Variants in GALNT13 observed in about 807,000 individuals in gnomAD.
The protein encoded by GALNT13 is polypeptide N-acetylgalactosaminyltransferase 13.
A neutral mutation model predicts 64.2 loss-of-function variants in GALNT13; 28 were observed. The observed-to-expected ratio is 0.44, with a 90% CI of 0.32 to 0.60. GALNT13 has a LOEUF of 0.60. Ranked by LOEUF, GALNT13 falls within the 20% of genes least tolerant of loss-of-function variation. The probability of loss-of-function intolerance (pLI) is 0.05; values close to 1 mark genes in which losing one functional copy is unlikely to be tolerated. For missense variants in GALNT13, 577 were observed against 669.8 expected (o/e 0.86, Z 1.53); for synonymous variants, 214 against 224.6 (o/e 0.95, Z 0.42).
chr2:153,687,604 C>A, the GALNT13 span, among the ~76,000 whole-genome samples: 1 of 151,770 alleles, frequency 6.6e-6, no homozygotes, highest in Admixed American at 6.6e-5. Context: ...TTTAGCCTGT[C>A]ACTTATTCAT....
chr2:153,396,001 T>C, the GALNT13 span, among the ~76,000 whole-genome samples: 1 of 152,242 alleles, frequency 6.6e-6, no homozygotes, highest in African/African-American at 2.4e-5. Flanking sequence ...ATTCTGATGT[T>C]ATATTGTGAA....
the GALNT13 span, among the ~76,000 whole-genome samples, chr2:153,736,722 AG>A: frequency 1.3e-5 from 2 of 152,134 alleles, no homozygotes; most frequent in Non-Finnish European, 2.9e-5. Context: ...CTAACACTAG[AG>A]GGTTCATTTT....
At chr2:154,305,158 C>T (rs1185962973) in intron 9 of GALNT13, among the ~76,000 whole-genome samples, 1 of 152,150 alleles carries the variant, frequency 6.6e-6, no homozygotes, top group Non-Finnish European at 1.5e-5. Context: ...CAATTTCAGC[C>T]ATTGTTAATT....
chr2:153,547,323 G>A, the GALNT13 span, among the ~76,000 whole-genome samples: 1 of 152,152 alleles, frequency 6.6e-6, no homozygotes, highest in East Asian at 1.9e-4. Flanking sequence ...GAAATACTCT[G>A]TGATAAGATG....
the GALNT13 span, among the ~76,000 whole-genome samples, chr2:153,616,998 G>A: frequency 6.6e-6 from 1 of 151,896 alleles, no homozygotes; most frequent in Non-Finnish European, 1.5e-5. Flanking sequence ...AACGATAATG[G>A]CCAAAGACTT....
At chr2:153,627,874 C>G in the GALNT13 span, among the ~76,000 whole-genome samples, 1 of 151,956 alleles carries the variant, frequency 6.6e-6, no homozygotes, top group African/African-American at 2.4e-5. Context: ...GTAGTTTTTT[C>G]CAATTCTGTG....
chr2:153,895,047 C>T lies in GALNT13; in HGVS notation c.-176-5889C>T, dbSNP rs12619059. On this transcript the variant is annotated intron_variant, in intron 1 of 12. Transcript: ENST00000392825. ...TTAATAATACAAAATGTGGAATCTA[C>T]AGACTAGGAAAATTGCTAAATCTAT... Among the ~76,000 whole-genome samples, 13 of 152,162 alleles carry T rather than the reference C, an allele frequency of 8.5e-5. No homozygotes were observed. The East Asian group carries it at 1.7e-3, about 20-fold the overall frequency.
the GALNT13 span, among the ~76,000 whole-genome samples, chr2:153,829,406 T>C: frequency 1.3e-5 from 2 of 152,058 alleles, no homozygotes; most frequent in African/African-American, 4.8e-5. Context: ...AGTCTCATCT[T>C]ACATAGATGG....
the GALNT13 span, among the ~76,000 whole-genome samples, chr2:153,426,360 A>G: frequency 1.3e-5 from 2 of 151,820 alleles, no homozygotes; most frequent in Non-Finnish European, 1.5e-5. Context: ...ACATATTTTT[A>G]TTTTGCTAAA....
the GALNT13 span, among the ~76,000 whole-genome samples, chr2:153,838,077 A>G: frequency 5.3e-5 from 8 of 151,980 alleles, no homozygotes; most frequent in African/African-American, 1.9e-4. Flanking sequence ...ATAAATCTCT[A>G]TTCAGGTCCT....
At chr2:153,651,064 A>G in the GALNT13 span, among the ~76,000 whole-genome samples, 1 of 152,164 alleles carries the variant, frequency 6.6e-6, no homozygotes, top group Non-Finnish European at 1.5e-5. Flanking sequence ...TAACTTATAG[A>G]GATTTACTGT....
chr2:153,186,029 C>T, the GALNT13 span, among the ~76,000 whole-genome samples: 2 of 151,818 alleles, frequency 1.3e-5, no homozygotes, highest in African/African-American at 2.4e-5. Flanking sequence ...TTTTCTGTCT[C>T]GGTGATCTGT....
Position 154,450,719 on chromosome 2 carries a change from T to A in GALNT13, c.*168T>A. On this transcript the variant is annotated 3_prime_UTR_variant, in exon 13 of 13. Coordinates refer to ENST00000392825, the MANE Select transcript of GALNT13 (RefSeq NM_052917.4). The stretch of plus-strand genomic sequence containing the variant: ...TAGAAATGTTTGCTTATTTCCCTAC[T>A]AAAATTTGTATCTGATCAAAGCACA... 1.7e-6 allele frequency: 1 copy of A among 595,950 alleles called. No homozygotes were observed. Among genetic ancestry groups the A allele is most frequent in the Non-Finnish European group, 2.8e-6 (1 of 358,368 alleles). 36.9% of individuals were successfully genotyped at this position (595,950 alleles called of 1,614,324 possible). A position where few individuals can be genotyped will look rare whatever the true frequency, so the allele number is the denominator to read the frequency against.
the GALNT13 span, among the ~76,000 whole-genome samples, chr2:153,102,665 G>T: frequency 4.6e-5 from 7 of 152,142 alleles, no homozygotes; most frequent in South Asian, 1.5e-3. Context: ...TCAATTTCTT[G>T]TTCTCTCCCT....
At chr2:153,249,146 A>G in the GALNT13 span, among the ~76,000 whole-genome samples, 1 of 152,256 alleles carries the variant, frequency 6.6e-6, no homozygotes, top group Non-Finnish European at 1.5e-5. Context: ...ATCTCAGCCC[A>G]AAAGCTTCTT....
At chr2:153,972,925 T>C (rs13029490) in intron 3 of GALNT13, among the ~76,000 whole-genome samples, 28,221 of 151,930 alleles carry the variant, frequency 0.19, 3,368 homozygotes, top group Non-Finnish European at 0.26. Flanking sequence ...AAAAGAATGA[T>C]ATAAAGGTAG....
the GALNT13 span, among the ~76,000 whole-genome samples, chr2:153,568,250 C>T: frequency 6.6e-6 from 1 of 152,092 alleles, no homozygotes; most frequent in African/African-American, 2.4e-5. Context: ...GAGACAGGGT[C>T]TCTGGCACCC....
chr2:154,169,366 T>TCTCA (rs1685226110), intron 4 of GALNT13, among the ~76,000 whole-genome samples: 1 of 152,182 alleles, frequency 6.6e-6, no homozygotes, highest in Non-Finnish European at 1.5e-5. Flanking sequence ...TTATGGCTGA[T>TCTCA]TTTAAGCTAT....
the GALNT13 span, among the ~76,000 whole-genome samples, chr2:153,202,010 C>A: frequency 3.6e-5 from 5 of 137,268 alleles, no homozygotes; most frequent in African/African-American, 1.4e-4. Context: ...CGGAGTTTCG[C>A]TCTGTCGCCC....
Sources: gnomAD v4.1 joint callset for allele counts (sites outside exome capture counted in the v4.1 genomes callset) on GRCh38, gnomAD v4.1.1 for gene constraint, MANE v1.5 for transcripts, NCBI Gene and HGNC (gene_info 2026-07-23, HGNC 2026-07-21) for gene names.